Variants in LDLRAD4 observed in about 807,000 individuals in gnomAD.
LDLRAD4 encodes the protein low-density lipoprotein receptor class A domain-containing protein 4.
A neutral mutation model predicts 17.0 loss-of-function variants in LDLRAD4; 5 were observed. The ratio of observed to expected loss-of-function variants is 0.29; its 90% CI spans 0.15 to 0.62. LDLRAD4 has a LOEUF of 0.62. Ranked by LOEUF, LDLRAD4 falls within the 20% of genes least tolerant of loss-of-function variation. The pLI is 0.84. For missense variants in LDLRAD4, 340 were observed against 424.7 expected, an observed-to-expected ratio of 0.80 and a Z score of 1.75; for synonymous variants, 168 against 171.8, an observed-to-expected ratio of 0.98 and a Z score of 0.17.
chr18:13,613,733 G>C (rs1044042277), intron 3 of LDLRAD4: 1 of 152,190 alleles, frequency 6.6e-6, no homozygotes. Flanking sequence ...GTCTGCATTC[G>C]AGGGATTCCC....
At chr18:13,455,399 G>A (rs1568182037) in intron 3 of LDLRAD4, among the ~76,000 whole-genome samples, 1 of 152,208 alleles carries the variant, frequency 6.6e-6, no homozygotes, top group Non-Finnish European at 1.5e-5. Context: ...GTGGGATGTG[G>A]TGCTTTTTCC....
chr18:13,594,665 CAAAAAAAAAAA>C (rs56035558), intron 3 of LDLRAD4, among the ~76,000 whole-genome samples: 5 of 29,596 alleles, frequency 1.7e-4, no homozygotes, highest in African/African-American at 2.6e-4. Context: ...GATTCCATCT[CAAAAAAAAAAA>C]AAAAAAAAAA....
intron 2 of LDLRAD4, among the ~76,000 whole-genome samples, chr18:13,422,007 T>C (rs6505812): frequency 0.93 from 141,526 of 152,324 alleles, 66,279 homozygotes; most frequent in Non-Finnish European, 0.99. Flanking sequence ...TACACACCAG[T>C]TACGGAACTC....
At chr18:13,412,352 T>A (rs1281810082) in intron 2 of LDLRAD4, among the ~76,000 whole-genome samples, 1 of 152,214 alleles carries the variant, frequency 6.6e-6, no homozygotes, top group Admixed American at 6.5e-5. Flanking sequence ...TAAAGTATCC[T>A]TATCTTTCTT....
intron 1 of LDLRAD4, among the ~76,000 whole-genome samples, chr18:13,253,340 T>G (rs2043327945): frequency 6.6e-6 from 1 of 152,188 alleles, no homozygotes; most frequent in East Asian, 1.9e-4. Context: ...ATGAATGTGC[T>G]CAGGCTGTTG....
chr18:13,358,333 CTAGATTATTTTATA>C, intron 1 of LDLRAD4, among the ~76,000 whole-genome samples: 1 of 151,724 alleles, frequency 6.6e-6, no homozygotes, highest in East Asian at 1.9e-4. Context: ...TTATATATAT[CTAGATTATTTTATA>C]TATAGAGAGA....
chr18:13,401,654 A>T (rs1034803085), intron 2 of LDLRAD4, among the ~76,000 whole-genome samples: 2 of 152,184 alleles, frequency 1.3e-5, no homozygotes, highest in Non-Finnish European at 2.9e-5. Context: ...TGGTGCAGGA[A>T]GCAAATGATG....
chr18:13,321,247 AGGCCTATGCGCGGTTTGGCTGCCC>A (rs2081203334), intron 1 of LDLRAD4, among the ~76,000 whole-genome samples: 2 of 152,176 alleles, frequency 1.3e-5, no homozygotes, highest in South Asian at 4.1e-4. Context: ...TCTCCCCCAG[AGGCCTATGCGCGGTTTGGCTGCCC>A]GGCCAGGTTC....
intron 1 of LDLRAD4, among the ~76,000 whole-genome samples, chr18:13,308,405 C>T (rs931291751): frequency 3.3e-5 from 5 of 152,292 alleles, no homozygotes; most frequent in South Asian, 4.1e-4. Flanking sequence ...CAAACATGCA[C>T]GTGTACCTTT....
At chr18:13,273,133 G>T (rs1353813290), upstream of LDLRAD4, among the ~76,000 whole-genome samples, 1 of 152,152 alleles carries the variant, frequency 6.6e-6, no homozygotes, top group Non-Finnish European at 1.5e-5. Context: ...GTGGTGATGG[G>T]GTGGGTCCAT....
At chr18:13,576,900 G>C (rs2094781970) in intron 3 of LDLRAD4, among the ~76,000 whole-genome samples, 1 of 152,240 alleles carries the variant, frequency 6.6e-6, no homozygotes, top group Non-Finnish European at 1.5e-5. Context: ...GCAGACGGGA[G>C]GACCTGGCTT....
At chr18:13,350,055 C>T (rs938210903) in intron 1 of LDLRAD4, among the ~76,000 whole-genome samples, 9 of 152,074 alleles carry the variant, frequency 5.9e-5, no homozygotes, top group Admixed American at 3.9e-4. Flanking sequence ...TGGGTTGGTT[C>T]CATGTCTTTG....
intron 3 of LDLRAD4, among the ~76,000 whole-genome samples, chr18:13,546,108 T>TG (rs2094358231): frequency 6.6e-6 from 1 of 151,858 alleles, no homozygotes; most frequent in African/African-American, 2.4e-5. Context: ...CCCTGCTTGG[T>TG]GGGGAGTGGG....
Position 13,473,649 on chromosome 18 carries a change from AT to A in LDLRAD4, c.181+35266del, listed in dbSNP as rs1165691217. Among the ~76,000 whole-genome samples the A allele has an allele frequency of 2.9e-4, 23 of 78,076 alleles. No homozygotes were observed. The Admixed American group carries it at 3.1e-3, about 10-fold the overall frequency. 51.2% of individuals were successfully genotyped at this position (78,076 alleles called of 152,430 possible). On this transcript the variant is annotated intron_variant, in intron 3 of 5. Transcript: ENST00000359446. ...AAGATCCCATCTCATATATATATAT[AT>A]ATATATATATATATATATATATATA...
intron 1 of LDLRAD4, among the ~76,000 whole-genome samples, chr18:13,290,522 C>T (rs949657771): frequency 3.3e-5 from 5 of 151,516 alleles, no homozygotes; most frequent in Non-Finnish European, 7.4e-5. Context: ...TCTTCATTTG[C>T]TTGTTTTTCT....
At chr18:13,306,411 A>G (rs933792748) in intron 1 of LDLRAD4, among the ~76,000 whole-genome samples, 1 of 152,162 alleles carries the variant, frequency 6.6e-6, no homozygotes, top group African/African-American at 2.4e-5. Flanking sequence ...TGCCTTTTAA[A>G]CTTCTTTCAA....
intron 1 of LDLRAD4, among the ~76,000 whole-genome samples, chr18:13,297,553 G>A (rs566176290): frequency 6.6e-6 from 1 of 152,224 alleles, no homozygotes; most frequent in African/African-American, 2.4e-5. Context: ...CCAGCACTTT[G>A]GGGGGCTGAG....
chr18:13,218,608 C>G (rs1289492998), upstream of LDLRAD4, among the ~76,000 whole-genome samples: 1 of 152,134 alleles, frequency 6.6e-6, no homozygotes, highest in Admixed American at 6.5e-5. Context: ...GGCCAAGCCC[C>G]GCAGCCCCTC....
chr18:13,399,756 A>G (rs1459048188), intron 2 of LDLRAD4, among the ~76,000 whole-genome samples: 2 of 152,236 alleles, frequency 1.3e-5, no homozygotes, highest in African/African-American at 2.4e-5. Flanking sequence ...TCACGTGAAC[A>G]TATGCTCTTC....
Sources: allele counts gnomAD v4.1 joint callset (sites outside exome capture counted in the v4.1 genomes callset), GRCh38; gene constraint gnomAD v4.1.1; transcripts MANE v1.5; gene names NCBI Gene and HGNC (gene_info 2026-07-23, HGNC 2026-07-21).